RPH3A: variants seen among roughly 807,000 people sequenced by gnomAD.
The protein encoded by RPH3A is rabphilin 3A.
Under a neutral mutation model 102.2 loss-of-function variants are expected in RPH3A, and 48 were observed. That is an observed-to-expected ratio of 0.47 (90% CI 0.37 to 0.60). RPH3A has a LOEUF of 0.60. Among genes scored for constraint, RPH3A ranks in the 20% least tolerant of loss-of-function variants. The pLI is 0.00. For missense variants in RPH3A, 781 were observed against 910.1 expected, an observed-to-expected ratio of 0.86 and a Z score of 1.83; for synonymous variants, 310 against 324.3, an observed-to-expected ratio of 0.96 and a Z score of 0.47.
At chr12:112,598,417 A>G (rs1187509930) in intron 1 of RPH3A, among the ~76,000 whole-genome samples, 2 of 152,318 alleles carry the variant, frequency 1.3e-5, no homozygotes, top group African/African-American at 2.4e-5. Flanking sequence ...TAATGTGCTT[A>G]GTGAAGAAGG....
At chr12:112,759,994 G>A (rs1034727423) in intron 1 of RPH3A, among the ~76,000 whole-genome samples, 1 of 151,992 alleles carries the variant, frequency 6.6e-6, no homozygotes, top group Non-Finnish European at 1.5e-5. Flanking sequence ...GGCCCGACCA[G>A]CCGGCCTGTC....
At chr12:112,627,071 A>AG (rs1335090146) in intron 1 of RPH3A, among the ~76,000 whole-genome samples, 3 of 103,362 alleles carry the variant, frequency 2.9e-5, no homozygotes, top group African/African-American at 1.1e-4. Flanking sequence ...GGGTGGGGGG[A>AG]GGGGGGAGGG....
chr12:112,646,071 T>A (rs1264823936), intron 1 of RPH3A, among the ~76,000 whole-genome samples: 2 of 152,310 alleles, frequency 1.3e-5, no homozygotes, highest in East Asian at 1.9e-4. Context: ...CCATTTAGTC[T>A]GGTGGGAGAG....
intron 1 of RPH3A, among the ~76,000 whole-genome samples, chr12:112,592,087 G>A (rs1357465807): frequency 6.6e-6 from 1 of 152,054 alleles, no homozygotes; most frequent in African/African-American, 2.4e-5. Context: ...TTGTTATACT[G>A]TATTGTTGGT....
rs560236795 is a variant in RPH3A, at chr12:112,895,936, A to T, written c.1954+63A>T. The T allele has an allele frequency of 4.4e-6, 5 of 1,132,038 alleles. No homozygotes were observed. The African/African-American group carries it at 7.6e-5, about 17-fold the overall frequency. 70.1% of individuals were successfully genotyped at this position (1,132,038 alleles called of 1,614,324 possible). A position where few individuals can be genotyped will look rare whatever the true frequency, so the allele number is the denominator to read the frequency against. On this transcript the variant is annotated intron_variant, in intron 21 of 21. Coordinates refer to ENST00000389385, the MANE Select transcript of RPH3A (RefSeq NM_001143854.2). ...GTCCTCCCCAGAACAGGAGAGCCTT[A>T]TCCAGGGCTACAGAGAGTTGAGGTC... is the stretch of plus-strand genomic sequence containing the variant.
At chr12:112,678,303 A>AAGAAAGAGAGAGAGAGAG (rs1555283199) in intron 1 of RPH3A, among the ~76,000 whole-genome samples, 7 of 50,196 alleles carry the variant, frequency 1.4e-4, no homozygotes, top group South Asian at 1.2e-3. Flanking sequence ...GAAAGAAAGA[A>AAGAAAGAGAGAGAGAGAG]AGAGAGAGAG....
chr12:112,866,753 A>G lies in RPH3A; in HGVS notation c.361-4A>G. 6.2e-7 allele frequency: 1 copy of G among 1,607,928 alleles called. No individual in the cohort carries two copies. The highest frequency in any genetic ancestry group is 8.5e-7 in the Non-Finnish European group (1 of 1,176,212). ...TGAGTGTGTTGGCTGTGTTTCATCC[A>G]CAGAACGTCTGCACCAAGTGCGGAG... On this transcript the variant is annotated splice_region_variant and splice_polypyrimidine_tract_variant and intron_variant, in intron 6 of 21. Coordinates refer to ENST00000389385, the MANE Select transcript of RPH3A (RefSeq NM_001143854.2).
At chr12:112,709,099 G>A (rs1413668275) in intron 1 of RPH3A, among the ~76,000 whole-genome samples, 1 of 152,186 alleles carries the variant, frequency 6.6e-6, no homozygotes, top group Non-Finnish European at 1.5e-5. Context: ...TTTGATGGGT[G>A]TGTATGGCAA....
intron 1 of RPH3A, among the ~76,000 whole-genome samples, chr12:112,600,917 A>G (rs1386521077): frequency 6.6e-6 from 1 of 152,234 alleles, no homozygotes; most frequent in Non-Finnish European, 1.5e-5. Flanking sequence ...ACTTACAATC[A>G]TGGTGGAAGT....
chr12:112,875,749 T>C lies in RPH3A; in HGVS notation c.946+8T>C. 1 of 1,613,620 alleles carries C rather than the reference T, an allele frequency of 6.2e-7. No homozygotes were observed. The highest frequency in any genetic ancestry group is 8.5e-7 in the Non-Finnish European group (1 of 1,179,802). ...TTCCAGATCAGAAGCCAGGCAAGTA[T>C]CTGCTTCCTCCCATGCCTGCCCAAG... is the stretch of plus-strand genomic sequence containing the variant. On this transcript the variant is annotated splice_region_variant and intron_variant, in intron 12 of 21. Coordinates refer to ENST00000389385, the MANE Select transcript of RPH3A (RefSeq NM_001143854.2).
intron 1 of RPH3A, among the ~76,000 whole-genome samples, chr12:112,652,523 A>G (rs1488473018): frequency 1.3e-5 from 2 of 152,124 alleles, no homozygotes; most frequent in African/African-American, 2.4e-5. Context: ...GCTAATAACC[A>G]TGGGGCCAGT....
At chr12:112,664,766 T>C (rs1187565967) in intron 1 of RPH3A, among the ~76,000 whole-genome samples, 1 of 152,122 alleles carries the variant, frequency 6.6e-6, no homozygotes, top group African/African-American at 2.4e-5. Context: ...CAACCTGATT[T>C]CAGCACTGAG....
chr12:112,881,184 G>A (rs1176379316), intron 14 of RPH3A, among the ~76,000 whole-genome samples: 1 of 152,182 alleles, frequency 6.6e-6, no homozygotes, highest in African/African-American at 2.4e-5. Flanking sequence ...CCAGGAATTT[G>A]GGGATTGCTC....
At chr12:112,674,551 C>A (rs1458218402) in intron 1 of RPH3A, among the ~76,000 whole-genome samples, 1 of 152,098 alleles carries the variant, frequency 6.6e-6, no homozygotes, top group Non-Finnish European at 1.5e-5. Context: ...GGCTCTGCCA[C>A]CTTATGACTT....
intron 1 of RPH3A, among the ~76,000 whole-genome samples, chr12:112,647,581 G>A (rs2039940719): frequency 6.8e-6 from 1 of 146,850 alleles, no homozygotes. Flanking sequence ...GGGTAATGGG[G>A]CTAGAGAGGG....
chr12:112,812,032 T>C, intron 2 of RPH3A, among the ~76,000 whole-genome samples: 1 of 149,894 alleles, frequency 6.7e-6, no homozygotes, highest in East Asian at 1.9e-4. Flanking sequence ...GTTTGTCTCA[T>C]CCAGCTTCAG....
At chr12:112,815,635 T>C (rs1383457148) in intron 2 of RPH3A, among the ~76,000 whole-genome samples, 1 of 152,190 alleles carries the variant, frequency 6.6e-6, no homozygotes, top group Non-Finnish European at 1.5e-5. Flanking sequence ...TGATGAGATT[T>C]AGAGCTGCAG....
intron 1 of RPH3A, among the ~76,000 whole-genome samples, chr12:112,624,584 A>G (rs992017323): frequency 6.6e-6 from 1 of 151,240 alleles, no homozygotes; most frequent in Non-Finnish European, 1.5e-5. Flanking sequence ...AACCAAAAAG[A>G]GTCCAGGACC....
intron 1 of RPH3A, among the ~76,000 whole-genome samples, chr12:112,657,410 T>G (rs773779075): frequency 1.3e-5 from 2 of 152,170 alleles, no homozygotes; most frequent in African/African-American, 4.8e-5. Context: ...TAAAGCATAG[T>G]AAATATATAA....
Sources: gnomAD v4.1 joint callset for allele counts (sites outside exome capture counted in the v4.1 genomes callset) on GRCh38, gnomAD v4.1.1 for gene constraint, MANE v1.5 for transcripts, NCBI Gene and HGNC (gene_info 2026-07-23, HGNC 2026-07-21) for gene names.